MECOM: variants seen among roughly 807,000 people sequenced by gnomAD.
The protein encoded by MECOM is histone-lysine N-methyltransferase MECOM.
In MECOM, 13 loss-of-function variants were observed where a neutral mutation model predicts 116.3. The observed-to-expected ratio is 0.11, with a 90% CI of 0.07 to 0.18. The LOEUF is 0.18. MECOM is among the 10% of genes least tolerant of loss of function. The pLI, the probability that MECOM is intolerant of heterozygous loss-of-function variation, is 1.00. For missense variants in MECOM, 1,299 were observed against 1,509.0 expected (o/e 0.86, Z 2.31); for synonymous variants, 528 against 535.2 (o/e 0.99, Z 0.19).
Position 169,611,509 on chromosome 3 carries a change from G to C in MECOM, c.37+51827C>G, listed in dbSNP as rs1020197758. ...CAAGCAAGTCAGGCAGTTGTGAGGA[G>C]TGGAAGTGTTTCATAAGCTTCAGTT... On this transcript the variant is annotated intron_variant, in intron 1 of 16. Transcript: ENST00000651503. This position sits in a 1 kb window ranked among gnomAD's most constrained non-coding sequence, Gnocchi z 4.1. Among the ~76,000 whole-genome samples, 5 of 152,198 alleles carry C rather than the reference G, an allele frequency of 3.3e-5. No homozygotes were observed. The highest frequency in any genetic ancestry group is 9.6e-5 in the African/African-American group (4 of 41,456).
intron 4 of MECOM, among the ~76,000 whole-genome samples, chr3:169,130,315 C>T (rs1401816471): frequency 6.6e-6 from 1 of 152,180 alleles, no homozygotes; most frequent in Non-Finnish European, 1.5e-5. Context: ...CTAAGAACTC[C>T]TTGCTGCCGA....
intron 1 of MECOM, among the ~76,000 whole-genome samples, chr3:169,420,387 C>A (rs1207466033): frequency 6.6e-6 from 1 of 152,116 alleles, no homozygotes; most frequent in Non-Finnish European, 1.5e-5. Context: ...TCTTTAAATT[C>A]CCATGGTAAG....
intron 2 of MECOM, among the ~76,000 whole-genome samples, chr3:169,295,754 A>G (rs1164495548): frequency 6.6e-6 from 1 of 152,218 alleles, no homozygotes; most frequent in Non-Finnish European, 1.5e-5. Context: ...TACCAGGGAC[A>G]TTGCCCGTGC....
chr3:169,108,425 T>C (rs935246825), intron 9 of MECOM, among the ~76,000 whole-genome samples: 2 of 152,194 alleles, frequency 1.3e-5, no homozygotes, highest in African/African-American at 4.8e-5. Context: ...GGAAATTCAC[T>C]ACTTGATTTT....
intron 9 of MECOM, among the ~76,000 whole-genome samples, chr3:169,110,351 T>C (rs7615092): frequency 0.24 from 36,735 of 151,936 alleles, 4,708 homozygotes; most frequent in Non-Finnish European, 0.28. Flanking sequence ...TCTTCCTCAT[T>C]TAGGTCCTTC....
intron 1 of MECOM, among the ~76,000 whole-genome samples, chr3:169,472,112 A>T (rs1489310382): frequency 6.6e-6 from 1 of 152,108 alleles, no homozygotes; most frequent in African/African-American, 2.4e-5. Flanking sequence ...CATTTACCCT[A>T]TAGTGCTTAT....
intron 3 of MECOM, among the ~76,000 whole-genome samples, chr3:169,143,457 A>T (rs1738738320): frequency 6.6e-6 from 1 of 152,174 alleles, no homozygotes; most frequent in African/African-American, 2.4e-5. Context: ...AGTCACACCA[A>T]GAAAACTGGT....
chr3:169,367,225 A>G (rs1474637163), intron 2 of MECOM, among the ~76,000 whole-genome samples: 1 of 152,106 alleles, frequency 6.6e-6, no homozygotes, highest in African/African-American at 2.4e-5. Context: ...TGGATGTGTG[A>G]GATACTGAAA....
At chr3:169,463,410 G>A (rs373941987) in intron 1 of MECOM, among the ~76,000 whole-genome samples, 2 of 152,240 alleles carry the variant, frequency 1.3e-5, no homozygotes, top group South Asian at 2.1e-4. Flanking sequence ...GAAAAAAAGT[G>A]TACAAAATGG....
intron 1 of MECOM, among the ~76,000 whole-genome samples, chr3:169,620,153 G>C (rs1382132767): frequency 6.6e-6 from 1 of 152,188 alleles, no homozygotes; most frequent in Non-Finnish European, 1.5e-5. Context: ...AAGGCTCAGA[G>C]GGCCAGAGTG....
At chr3:169,291,254 G>A (rs1577607746) in intron 2 of MECOM, among the ~76,000 whole-genome samples, 1 of 152,030 alleles carries the variant, frequency 6.6e-6, no homozygotes, top group East Asian at 1.9e-4. Flanking sequence ...AATAAGCCCA[G>A]CTCCCTAGGG....
chr3:169,382,299 C>T (rs1473820051), intron 1 of MECOM, among the ~76,000 whole-genome samples: 1 of 152,014 alleles, frequency 6.6e-6, no homozygotes, highest in African/African-American at 2.4e-5. Context: ...AGATCAGAAA[C>T]GCTTTGTATG....
At chr3:169,617,845 G>A (rs971665730) in intron 1 of MECOM, among the ~76,000 whole-genome samples, 3 of 152,142 alleles carry the variant, frequency 2.0e-5, no homozygotes, top group South Asian at 2.1e-4. Context: ...GAACCATGAA[G>A]AGAGTTTCAG....
At chr3:169,100,495 G>C (rs1018123009) in intron 12 of MECOM, among the ~76,000 whole-genome samples, 1 of 152,156 alleles carries the variant, frequency 6.6e-6, no homozygotes, top group African/African-American at 2.4e-5. Context: ...ACTCCTAGCA[G>C]AGATTTGAGG....
At chr3:169,263,944 A>C (rs1317217373) in intron 2 of MECOM, among the ~76,000 whole-genome samples, 5 of 152,122 alleles carry the variant, frequency 3.3e-5, no homozygotes, top group Admixed American at 3.3e-4. Context: ...GAAAAAAAAA[A>C]CCCACTATGG....
At chr3:169,179,735 T>C (rs1383537759) in intron 2 of MECOM, among the ~76,000 whole-genome samples, 3 of 152,220 alleles carry the variant, frequency 2.0e-5, no homozygotes, top group Admixed American at 2.0e-4. Context: ...AACAAAGCCC[T>C]TCATGAATAC....
chr3:169,382,119 T>C (rs223104), intron 1 of MECOM, among the ~76,000 whole-genome samples: 26,860 of 152,156 alleles, frequency 0.18, 2,855 homozygotes, highest in East Asian at 0.25. Context: ...CAGTAACTTA[T>C]GCAGAGAAGA....
At chr3:169,155,216 G>A (rs1183669493) in intron 2 of MECOM, among the ~76,000 whole-genome samples, 3 of 152,176 alleles carry the variant, frequency 2.0e-5, no homozygotes, top group African/African-American at 7.2e-5. Context: ...ATCAGTTGAT[G>A]CAGTGATGAT....
chr3:169,554,804 C>T (rs1326631948), intron 1 of MECOM, among the ~76,000 whole-genome samples: 1 of 152,184 alleles, frequency 6.6e-6, no homozygotes, highest in East Asian at 1.9e-4. Context: ...CTGCAGTCCT[C>T]CCTGGACCAG....
Sources: gnomAD v4.1 joint callset for allele counts (sites outside exome capture counted in the v4.1 genomes callset) on GRCh38, gnomAD v4.1.1 for gene constraint, Gnocchi (gnomAD v3.1) non-coding constraint, MANE v1.5 for transcripts, NCBI Gene and HGNC (gene_info 2026-07-23, HGNC 2026-07-21) for gene names.